The following DNAH14 variants were observed in gnomAD, a reference collection of about 807,000 sequenced individuals.
DNAH14 encodes the protein axonemal beta dynein heavy chain 14.
In DNAH14, 478 loss-of-function variants were observed where a neutral mutation model predicts 520.9. That is an observed-to-expected ratio of 0.92 (90% CI 0.85 to 0.99). DNAH14 has a LOEUF of 0.99. DNAH14 is among the 50% of genes least tolerant of loss of function. The pLI is 0.00. For missense variants in DNAH14, 4,831 were observed against 5,234.5 expected, an observed-to-expected ratio of 0.92 and a Z score of 2.38; for synonymous variants, 1,581 against 1,757.2, an observed-to-expected ratio of 0.90 and a Z score of 2.51.
intron 36 of DNAH14, among the ~76,000 whole-genome samples, chr1:225,169,535 A>G (rs923256734): frequency 6.6e-6 from 1 of 152,238 alleles, no homozygotes; most frequent in Non-Finnish European, 1.5e-5. Flanking sequence ...CAACTGCAAG[A>G]AAGGTTATAA....
chr1:225,306,593 G>A (rs1367526862), intron 58 of DNAH14, among the ~76,000 whole-genome samples: 2 of 152,076 alleles, frequency 1.3e-5, no homozygotes, highest in Non-Finnish European at 2.9e-5. Flanking sequence ...TCCATTCACA[G>A]CCATGTAATC....
intron 27 of DNAH14, among the ~76,000 whole-genome samples, chr1:225,131,131 ATCTT>A (rs2078373240): frequency 6.6e-6 from 1 of 152,182 alleles, no homozygotes; most frequent in African/African-American, 2.4e-5. Context: ...AGTTTTGAAA[ATCTT>A]TATAATTTTG....
Position 225,346,562 on chromosome 1 carries a change from T to C in DNAH14, c.11204T>C (p.Ile3735Thr), listed in dbSNP as rs2095289041. The C allele has an allele frequency of 1.9e-6, 3 of 1,551,024 alleles. No individual in the cohort carries two copies. In the African/African-American group the frequency reaches 4.1e-5, roughly 21 times the overall value. ...NANGNLIQDD[I>T]GFLPEEEWNI... is the part of the protein sequence containing the mutation. ...AATGGAAATCTAATACAGGATGACA[T>C]TGGATTCCTACCAGAAGAAGAATGG... The change falls in exon 71 of 86, where the codon ATT becomes ACT. Residue 3735 changes from isoleucine (I) to threonine (T), a missense_variant. By Grantham distance (89) the Ile-to-Thr change is moderately conservative. Coordinates refer to ENST00000682510, the MANE Select transcript of DNAH14 (RefSeq NM_001367479.1).
chr1:225,105,903 T>A (rs915590148), intron 23 of DNAH14, among the ~76,000 whole-genome samples: 2 of 151,076 alleles, frequency 1.3e-5, no homozygotes, highest in Non-Finnish European at 2.9e-5. Flanking sequence ...GTTAATATCG[T>A]TATGTGTGAA....
intron 77 of DNAH14, among the ~76,000 whole-genome samples, chr1:225,373,558 G>A (rs950304942): frequency 9.2e-5 from 14 of 152,098 alleles, no homozygotes; most frequent in Non-Finnish European, 1.9e-4. Context: ...AGAAAGAAGG[G>A]AGAGGAGAAG....
chr1:225,232,958 G>A lies in DNAH14; in HGVS notation c.6518+1807G>A, dbSNP rs1447904000. 6.6e-6 allele frequency among the ~76,000 whole-genome samples: 1 copy of A among 152,012 alleles called. No homozygotes were observed. Among genetic ancestry groups the A allele is most frequent in the East Asian group, 1.9e-4 (1 of 5,170 alleles). ...TTTTTCCTGATGCCCTTCCTCCCCT[G>A]ACCACCACCCCAACAGTCCCCAGTG... On this transcript the variant is annotated intron_variant, in intron 42 of 85. Transcript: ENST00000682510. The surrounding 1 kb of genome is among the most constrained non-coding windows in gnomAD (Gnocchi z 4.2).
intron 46 of DNAH14, 30 bp from the exon 47 acceptor site, chr1:225,264,167 A>G (rs2093034409): frequency 2.6e-6 from 4 of 1,529,066 alleles, no homozygotes; most frequent in African/African-American, 1.4e-5. Flanking sequence ...AAACAAACTA[A>G]TTTTGAATCC....
chr1:225,094,309 C>A lies in DNAH14; in HGVS notation c.3574-2809C>A, dbSNP rs187777316. 3.8e-4 allele frequency among the ~76,000 whole-genome samples: 57 copies of A among 151,960 alleles called. No individual in the cohort carries two copies. The East Asian group carries it at 9.7e-3, about 26-fold the overall frequency. The stretch of plus-strand genomic sequence containing the variant: ...AGAACAGTGGAACAGAATAGAGAGC[C>A]CAGAAATAAAGCCGCATACCTACGA... On this transcript the variant is annotated intron_variant, in intron 21 of 85. Coordinates refer to ENST00000682510, the MANE Select transcript of DNAH14 (RefSeq NM_001367479.1).
At chr1:224,947,927 T>C (rs985145287) in intron 1 of DNAH14, among the ~76,000 whole-genome samples, 1 of 152,096 alleles carries the variant, frequency 6.6e-6, no homozygotes, top group Non-Finnish European at 1.5e-5. Context: ...TTCAAATTTG[T>C]TGACTTACAG....
chr1:224,990,749 A>G (rs1190075556), intron 8 of DNAH14, among the ~76,000 whole-genome samples: 1 of 152,212 alleles, frequency 6.6e-6, no homozygotes, highest in Non-Finnish European at 1.5e-5. Flanking sequence ...ATAGTGCTGC[A>G]GTGAACACTG....
At chr1:225,132,329 C>A (rs2148963471) in intron 27 of DNAH14, among the ~76,000 whole-genome samples, 1 of 152,110 alleles carries the variant, frequency 6.6e-6, no homozygotes, top group Non-Finnish European at 1.5e-5. Flanking sequence ...AGCCCAGCAC[C>A]CATTAGCTGT....
intron 10 of DNAH14, among the ~76,000 whole-genome samples, chr1:225,018,977 C>T (rs918785598): frequency 3.3e-5 from 5 of 152,108 alleles, no homozygotes; most frequent in African/African-American, 1.2e-4. Context: ...CACTTAAGTA[C>T]ATAGGCCATT....
chr1:225,333,453 A>T lies in DNAH14; in HGVS notation c.10027A>T (p.Ile3343Phe). 1 of 1,551,246 alleles carries T rather than the reference A, an allele frequency of 6.4e-7. No homozygotes were observed. The highest frequency in any genetic ancestry group is 8.7e-7 in the Non-Finnish European group (1 of 1,146,788). Residue 3343 changes from isoleucine to phenylalanine, a missense_variant, in exon 66 of 86, where the codon ATT becomes TTT. Ile to Phe is a conservative substitution (Grantham distance 21). Coordinates refer to ENST00000682510, the MANE Select transcript of DNAH14 (RefSeq NM_001367479.1). ...KWETFCIENG[I>F]SLSSKFSLIK... is the part of the protein sequence containing the mutation. ...GGAGACATTCTGCATTGAAAATGGC[A>T]TTTCTTTGTCTTCCAAATTCTCTTT...
At chr1:225,295,385 T>C (rs746919594) in intron 55 of DNAH14, among the ~76,000 whole-genome samples, 1 of 152,204 alleles carries the variant, frequency 6.6e-6, no homozygotes, top group Non-Finnish European at 1.5e-5. Context: ...AGGCATTTAT[T>C]GTTATAAACT....
intron 4 of DNAH14, among the ~76,000 whole-genome samples, chr1:224,961,830 T>C (rs911271580): frequency 6.6e-6 from 1 of 152,154 alleles, no homozygotes; most frequent in African/African-American, 2.4e-5. Flanking sequence ...TTTTGTTGCA[T>C]TGTCCTTCAG....
chr1:225,388,487 C>T lies in DNAH14; in HGVS notation c.13186C>T (p.Arg4396Cys), dbSNP rs755140486. Residue 4396 changes from arginine to cysteine, a missense_variant, in exon 82 of 86, where the codon CGT becomes TGT. By Grantham distance (180) the Arg-to-Cys change is radical. Coordinates refer to ENST00000682510, the MANE Select transcript of DNAH14 (RefSeq NM_001367479.1). ...CAAAGTGGCTTATACTGCAATACAGCGTCGGTATGGATAAAAGATGCTTTA... is the reference window on the plus strand; with the variant it reads ...CAAAGTGGCTTATACTGCAATACAGTGTCGGTATGGATAAAAGATGCTTTA... ...WAKVAYTAIQ[R>C]RYMRFVTVWK... The T allele has an allele frequency of 1.6e-5, 23 of 1,482,192 alleles. 1 individual carries two copies. In the South Asian group the frequency reaches 2.3e-4, roughly 15 times the overall value. 91.8% of individuals were successfully genotyped at this position (1,482,192 alleles called of 1,614,324 possible).
intron 26 of DNAH14, among the ~76,000 whole-genome samples, chr1:225,122,311 A>G (rs2077363202): frequency 6.6e-6 from 1 of 152,102 alleles, no homozygotes. Context: ...AACTACAACA[A>G]CCTATATGCC....
chr1:225,052,522 T>G (rs1395116), intron 17 of DNAH14, among the ~76,000 whole-genome samples: 121,152 of 152,142 alleles, frequency 0.8, 51,666 homozygotes, highest in Non-Finnish European at 0.96. Flanking sequence ...CAAATATTTG[T>G]TGAGCATTGA....
At chr1:225,052,443 C>T (rs2068628722) in intron 17 of DNAH14, among the ~76,000 whole-genome samples, 1 of 152,140 alleles carries the variant, frequency 6.6e-6, no homozygotes, top group Admixed American at 6.6e-5. Context: ...CTCAGTTGTA[C>T]CTCAGACCTG....
Sources: allele counts gnomAD v4.1 joint callset (sites outside exome capture counted in the v4.1 genomes callset), GRCh38; gene constraint gnomAD v4.1.1; non-coding constraint Gnocchi (gnomAD v3.1); transcripts MANE v1.5; gene names NCBI Gene and HGNC (gene_info 2026-07-23, HGNC 2026-07-21).